TMOD2: variants seen among roughly 807,000 people sequenced by gnomAD.
The protein encoded by TMOD2 is tropomodulin-2.
A neutral mutation model predicts 39.9 loss-of-function variants in TMOD2; 22 were observed. The ratio of observed to expected loss-of-function variants is 0.55; its 90% CI spans 0.39 to 0.79. The LOEUF (loss-of-function observed/expected upper bound fraction) is 0.79, where lower values mean the gene tolerates loss of function less well. Among genes scored for constraint, TMOD2 ranks in the 30% least tolerant of loss-of-function variants. TMOD2 has a pLI of 0.00. For synonymous variants in TMOD2, 123 were observed against 146.1 expected, an observed-to-expected ratio of 0.84 and a Z score of 1.14; for missense variants, 386 against 413.3, an observed-to-expected ratio of 0.93 and a Z score of 0.57.
intron 1 of TMOD2, among the ~76,000 whole-genome samples, chr15:51,754,307 TG>T (rs1318021023): frequency 6.6e-6 from 1 of 152,158 alleles, no homozygotes; most frequent in African/African-American, 2.4e-5. Flanking sequence ...AGGGTAGTGT[TG>T]GGGGAAAAAT....
At chr15:51,801,824 G>A (rs2056092282) in intron 8 of TMOD2, among the ~76,000 whole-genome samples, 1 of 152,036 alleles carries the variant, frequency 6.6e-6, no homozygotes, top group African/African-American at 2.4e-5. Context: ...TATAAAAAGA[G>A]CCTGGGCCTC....
intron 7 of TMOD2, among the ~76,000 whole-genome samples, chr15:51,793,232 A>G (rs1567244801): frequency 6.6e-6 from 1 of 152,240 alleles, no homozygotes; most frequent in Non-Finnish European, 1.5e-5. Flanking sequence ...AGCATACTGA[A>G]TAAGTATCAC....
Position 51,808,412 on chromosome 15 carries a change from T to G in TMOD2, c.1022-8T>G. The G allele has an allele frequency of 6.2e-7, 1 of 1,610,800 alleles. No homozygotes were observed. The highest frequency in any genetic ancestry group is 1.1e-5 in the South Asian group (1 of 90,358). On this transcript the variant is annotated splice_polypyrimidine_tract_variant and splice_region_variant and intron_variant, in intron 9 of 9. Transcript: ENST00000249700. ...ATTTGTCTTTTTGTTCCTTTCTTTCTTACCTAGTTCGTAAGAAGAGAGTTG... is the reference window on the plus strand; with the variant it reads ...ATTTGTCTTTTTGTTCCTTTCTTTCGTACCTAGTTCGTAAGAAGAGAGTTG...
rs2056146895 is a variant in TMOD2, at chr15:51,810,169, ACCC to A, written c.*1716_*1718del. 1.3e-5 allele frequency: 2 copies of A among 151,910 alleles called. No individual in the cohort carries two copies. Among genetic ancestry groups the A allele is most frequent in the South Asian group, 4.2e-4 (2 of 4,810 alleles). 9.4% of individuals were successfully genotyped at this position (151,910 alleles called of 1,614,324 possible). A position where few individuals can be genotyped will look rare whatever the true frequency, so the allele number is the denominator to read the frequency against. Reference sequence around the variant, plus strand: ...TCAGTCTGATTTTTCCTTCCCTTTCACCCATTTAGGTGTGATGTGTTGGAGTCA... The same window carrying A: ...TCAGTCTGATTTTTCCTTCCCTTTCAATTTAGGTGTGATGTGTTGGAGTCA... On this transcript the variant is annotated 3_prime_UTR_variant, in exon 10 of 10. Coordinates refer to ENST00000249700, the MANE Select transcript of TMOD2 (RefSeq NM_014548.4).
intron 1 of TMOD2, among the ~76,000 whole-genome samples, chr15:51,760,348 T>C (rs1002858298): frequency 2.0e-5 from 3 of 152,190 alleles, no homozygotes; most frequent in African/African-American, 7.2e-5. Context: ...CTTCCCAGCC[T>C]CCAGAGGCTG....
In TMOD2 at chr15:51,811,608, T is replaced by C. The variant is rs1304794430; in HGVS notation, c.*3154T>C. On this transcript the variant is annotated 3_prime_UTR_variant, in exon 10 of 10. Transcript: ENST00000249700. ...GGAAGCTCTTTCATCCTCATCAGCA[T>C]GATTAAATGACTTCGTTTCTTTCAT... The C allele has an allele frequency of 6.6e-6, 1 of 152,382 alleles. No individual in the cohort carries two copies. Among genetic ancestry groups the C allele is most frequent in the Non-Finnish European group, 1.5e-5 (1 of 68,098 alleles). 9.4% of individuals were successfully genotyped at this position (152,382 alleles called of 1,614,324 possible).
chr15:51,795,202 C>T (rs1158721714), intron 7 of TMOD2, among the ~76,000 whole-genome samples: 3 of 152,096 alleles, frequency 2.0e-5, no homozygotes. Context: ...TAGTGGATCA[C>T]CTGAGGTCAG....
In TMOD2 at chr15:51,806,618, G is replaced by A. The variant is rs993221132; in HGVS notation, c.1021+97G>A. ...GCATCTCACAGATACCATTCCACTG[G>A]CCTCTGATGTCACTCACTTCTTCAT... is the stretch of plus-strand genomic sequence containing the variant. On this transcript the variant is annotated intron_variant, in intron 9 of 9. Transcript: ENST00000249700. 1.5e-5 allele frequency: 21 copies of A among 1,385,056 alleles called. No individual in the cohort carries two copies. In the East Asian group the frequency reaches 4.7e-4, roughly 31 times the overall value. The allele number at this position is 1,385,056 out of a possible 1,614,324, so 85.8% of individuals were successfully genotyped here. A position where few individuals can be genotyped will look rare whatever the true frequency, so the allele number is the denominator to read the frequency against.
intron 1 of TMOD2, among the ~76,000 whole-genome samples, chr15:51,751,977 C>G (rs2055707506): frequency 6.6e-6 from 1 of 151,430 alleles, no homozygotes; most frequent in Middle Eastern, 3.2e-3. Flanking sequence ...ACTGCGGTGC[C>G]GCAGCCTCTG....
intron 8 of TMOD2, among the ~76,000 whole-genome samples, chr15:51,800,818 A>T (rs2056082061): frequency 6.6e-6 from 1 of 151,954 alleles, no homozygotes; most frequent in South Asian, 2.1e-4. Context: ...TGATCCTCCC[A>T]CTTCAGCCTT....
chr15:51,795,713 A>G (rs4775982), intron 7 of TMOD2, among the ~76,000 whole-genome samples: 71,893 of 149,364 alleles, frequency 0.48, 17,494 homozygotes, highest in Admixed American at 0.54. Context: ...TTTTCTCATA[A>G]TTTCTATCTT....
chr15:51,761,898 A>G (rs2055783351), intron 1 of TMOD2, among the ~76,000 whole-genome samples: 1 of 152,170 alleles, frequency 6.6e-6, no homozygotes, highest in Non-Finnish European at 1.5e-5. Context: ...CTGTAATCCC[A>G]GCACTTTGGG....
At chr15:51,800,545 A>C (rs917743245) in intron 8 of TMOD2, among the ~76,000 whole-genome samples, 4 of 152,088 alleles carry the variant, frequency 2.6e-5, no homozygotes, top group Non-Finnish European at 5.9e-5. Context: ...CAAAAAAAAA[A>C]CAAAACCCTG....
At chr15:51,794,481 G>A (rs1320006825) in intron 7 of TMOD2, among the ~76,000 whole-genome samples, 1 of 152,012 alleles carries the variant, frequency 6.6e-6, no homozygotes, top group Non-Finnish European at 1.5e-5. Flanking sequence ...TTGGGAGGCC[G>A]AGGCAGGAGG....
intron 1 of TMOD2, among the ~76,000 whole-genome samples, chr15:51,764,371 A>G (rs1419953479): frequency 6.6e-6 from 1 of 152,170 alleles, no homozygotes; most frequent in East Asian, 1.9e-4. Context: ...ATTGCATGTG[A>G]AAGGGGTATC....
chr15:51,810,750 C>CTTTTTTTT lies in TMOD2; in HGVS notation c.*2306_*2313dup, dbSNP rs112265395. ...CTGCCTCTCCAAGTAAGCCTTTTTC[C>CTTTTTTTT]TTTTTTTTTTTTTTTTTCTTACTCT... On this transcript the variant is annotated 3_prime_UTR_variant, in exon 10 of 10. Coordinates refer to ENST00000249700, the MANE Select transcript of TMOD2 (RefSeq NM_014548.4). 8 of 139,276 alleles carry CTTTTTTTT rather than the reference C, an allele frequency of 5.7e-5. No homozygotes were observed. The highest frequency in any genetic ancestry group is 7.3e-5 in the Admixed American group (1 of 13,628). 8.6% of individuals were successfully genotyped at this position (139,276 alleles called of 1,614,324 possible). A position where few individuals can be genotyped will look rare whatever the true frequency, so the allele number is the denominator to read the frequency against.
intron 8 of TMOD2, among the ~76,000 whole-genome samples, chr15:51,801,665 C>T (rs1383748018): frequency 3.3e-5 from 5 of 152,034 alleles, no homozygotes; most frequent in South Asian, 2.1e-4. Flanking sequence ...GAAGAACAAT[C>T]GGTGATGCAT....
Position 51,766,538 on chromosome 15 carries a change from G to GA in TMOD2, c.101dup (p.Asn34LysfsTer5). ...CTCAGAAGAGGAACTGAAACAGTTG[G>GA]AAAATGTTCTAGATGACCTAGATCC... On this transcript the variant is annotated frameshift_variant, in exon 2 of 10. Coordinates refer to ENST00000249700, the MANE Select transcript of TMOD2 (RefSeq NM_014548.4). LOFTEE classifies it high-confidence loss of function. The GA allele has an allele frequency of 6.2e-7, 1 of 1,614,120 alleles. No individual in the cohort carries two copies. The highest frequency in any genetic ancestry group is 8.5e-7 in the Non-Finnish European group (1 of 1,179,988).
chr15:51,776,095 C>T (rs1368756561), intron 4 of TMOD2, among the ~76,000 whole-genome samples: 1 of 152,190 alleles, frequency 6.6e-6, no homozygotes, highest in East Asian at 1.9e-4. Context: ...CCCCTCTTCA[C>T]CGGGTCCTTG....
Sources: allele counts gnomAD v4.1 joint callset (sites outside exome capture counted in the v4.1 genomes callset), GRCh38; gene constraint gnomAD v4.1.1; transcripts MANE v1.5; gene names NCBI Gene and HGNC (gene_info 2026-07-23, HGNC 2026-07-21).